OR1F1: variants seen among roughly 807,000 people sequenced by gnomAD.
OR1F1 encodes olfactory receptor family 1 subfamily F member 1.
For missense variants in OR1F1, 493 were observed against 376.3 expected (o/e 1.31, Z -2.57); for synonymous variants, 184 against 156.7 (o/e 1.17, Z -1.30).
the OR1F1 span, among the ~76,000 whole-genome samples, chr16:3,194,487 C>T: frequency 6.6e-6 from 1 of 152,176 alleles, no homozygotes; most frequent in Non-Finnish European, 1.5e-5. Flanking sequence ...TGTTGCTCAA[C>T]CTCAGAAAAG....
the OR1F1 span, among the ~76,000 whole-genome samples, chr16:3,193,281 C>A: frequency 6.6e-6 from 1 of 152,190 alleles, no homozygotes; most frequent in Admixed American, 6.5e-5. Flanking sequence ...CTTTATTAAA[C>A]ACAGTGGGGC....
upstream of OR1F1, among the ~76,000 whole-genome samples, chr16:3,203,879 C>T (rs759924904): frequency 9.9e-5 from 15 of 152,196 alleles, no homozygotes; most frequent in Non-Finnish European, 1.5e-4. Flanking sequence ...AAAAACAGTC[C>T]TGAGCTCAGC....
At chr16:3,189,583 C>T in the OR1F1 span, among the ~76,000 whole-genome samples, 6 of 152,174 alleles carry the variant, frequency 3.9e-5, no homozygotes, top group Non-Finnish European at 7.3e-5. Context: ...CCCCAGCCGC[C>T]CCCAGGATGC....
At chr16:3,190,974 CT>C in the OR1F1 span, among the ~76,000 whole-genome samples, 2 of 151,912 alleles carry the variant, frequency 1.3e-5, no homozygotes, top group African/African-American at 4.8e-5. Flanking sequence ...CCAAATAGTT[CT>C]AGATATAAAA....
chr16:3,206,421 C>G (rs1444900965), downstream of OR1F1, among the ~76,000 whole-genome samples: 1 of 152,120 alleles, frequency 6.6e-6, no homozygotes, highest in East Asian at 1.9e-4. Flanking sequence ...CCCTTTGACA[C>G]CTGTGATCTC....
exon 1 of OR1F1, chr16:3,204,919 G>T: frequency 1.1e-5 from 18 of 1,614,116 alleles, no homozygotes; most frequent in Non-Finnish European, 1.4e-5. Context: ...CACCTGCACT[G>T]TCCTGAAGGT....
At chr16:3,192,040 G>T in the OR1F1 span, among the ~76,000 whole-genome samples, 1 of 152,076 alleles carries the variant, frequency 6.6e-6, no homozygotes, top group Non-Finnish European at 1.5e-5. Context: ...GAGGTCCCGG[G>T]TTCAAATCCC....
chr16:3,192,836 A>T, the OR1F1 span, among the ~76,000 whole-genome samples: 1 of 151,918 alleles, frequency 6.6e-6, no homozygotes, highest in Non-Finnish European at 1.5e-5. Context: ...TTGGGCTTGC[A>T]GTTGAGCTTT....
downstream of OR1F1, among the ~76,000 whole-genome samples, chr16:3,206,501 G>A (rs978040422): frequency 2.0e-4 from 30 of 152,196 alleles, no homozygotes; most frequent in African/African-American, 6.3e-4. Flanking sequence ...CTGGTTTTGC[G>A]GCTCAGGTGG....
At chr16:3,203,778 A>G (rs567043029), upstream of OR1F1, among the ~76,000 whole-genome samples, 34 of 152,182 alleles carry the variant, frequency 2.2e-4, no homozygotes, top group Non-Finnish European at 4.1e-4. Context: ...AGAAATAAAA[A>G]GAGTCACATC....
chr16:3,190,768 A>C, the OR1F1 span, among the ~76,000 whole-genome samples: 1 of 151,152 alleles, frequency 6.6e-6, no homozygotes, highest in Admixed American at 6.6e-5. Context: ...AAAAAAAAAA[A>C]GACCGCAAAA....
At chr16:3,197,112 G>T in the OR1F1 span, among the ~76,000 whole-genome samples, 7 of 151,922 alleles carry the variant, frequency 4.6e-5, no homozygotes, top group Non-Finnish European at 1.0e-4. Context: ...CTGACCTCAG[G>T]TGATCCGCTC....
the OR1F1 span, among the ~76,000 whole-genome samples, chr16:3,192,901 C>T: frequency 6.6e-6 from 1 of 152,088 alleles, no homozygotes; most frequent in South Asian, 2.1e-4. Flanking sequence ...CTCCCGGGTA[C>T]TGTGCCCCGC....
chr16:3,191,275 T>C, the OR1F1 span: 1 of 152,246 alleles, frequency 6.6e-6, no homozygotes, highest in Admixed American at 6.5e-5. Context: ...TACAGATTTA[T>C]GCCAGCGCCC....
the OR1F1 span, among the ~76,000 whole-genome samples, chr16:3,188,637 G>A: frequency 1.3e-5 from 2 of 152,110 alleles, no homozygotes; most frequent in African/African-American, 4.8e-5. Context: ...GGGGGTCTCG[G>A]CCCTTGTCCC....
At chr16:3,196,356 C>T in the OR1F1 span, among the ~76,000 whole-genome samples, 3 of 152,122 alleles carry the variant, frequency 2.0e-5, no homozygotes, top group Admixed American at 6.5e-5. Flanking sequence ...AGATGCTAAT[C>T]GGGGCCATTA....
chr16:3,205,823 C>A (rs1328917310), downstream of OR1F1, among the ~76,000 whole-genome samples: 11 of 152,134 alleles, frequency 7.2e-5, no homozygotes, highest in Non-Finnish European at 1.2e-4. Flanking sequence ...CACCTCAGGA[C>A]CACTGTGATA....
At chr16:3,198,842 G>T in the OR1F1 span, among the ~76,000 whole-genome samples, 1 of 151,802 alleles carries the variant, frequency 6.6e-6, no homozygotes, top group Admixed American at 6.6e-5. Flanking sequence ...ACAAAAATTA[G>T]CTGGGCTTGG....
the OR1F1 span, among the ~76,000 whole-genome samples, chr16:3,189,393 G>A: frequency 6.6e-6 from 1 of 152,220 alleles, no homozygotes; most frequent in Non-Finnish European, 1.5e-5. Flanking sequence ...CCGAGTGGCG[G>A]TGGCGGGCGA....
Sources: allele counts gnomAD v4.1 joint callset (sites outside exome capture counted in the v4.1 genomes callset), GRCh38; gene constraint gnomAD v4.1.1; transcripts MANE v1.5; gene names NCBI Gene and HGNC (gene_info 2026-07-23, HGNC 2026-07-21).